CDH17: variants seen among roughly 807,000 people sequenced by gnomAD.
CDH17 encodes cadherin-17.
Under a neutral mutation model 86.3 loss-of-function variants are expected in CDH17, and 67 were observed. The observed-to-expected ratio is 0.78, with a 90% CI of 0.64 to 0.95. The LOEUF (loss-of-function observed/expected upper bound fraction) is 0.95, where lower values mean the gene tolerates loss of function less well. CDH17 is among the 40% of genes least tolerant of loss of function. The pLI is 0.00. For missense variants in CDH17, 993 were observed against 1,017.6 expected, an observed-to-expected ratio of 0.98 and a Z score of 0.33; for synonymous variants, 367 against 366.4, an observed-to-expected ratio of 1.00 and a Z score of -0.02.
intron 11 of CDH17, among the ~76,000 whole-genome samples, chr8:94,161,078 A>T (rs1437340392): frequency 6.6e-6 from 1 of 152,128 alleles, no homozygotes; most frequent in East Asian, 1.9e-4. Flanking sequence ...AAGCAGGTTC[A>T]CTCTCTGTAG....
intron 9 of CDH17, among the ~76,000 whole-genome samples, chr8:94,167,805 G>A (rs931289759): frequency 1.6e-4 from 25 of 151,994 alleles, no homozygotes; most frequent in Admixed American, 3.9e-4. Context: ...GACACCCCTC[G>A]CTGGGAGCAG....
chr8:94,168,478 A>G (rs1813209440), intron 9 of CDH17, among the ~76,000 whole-genome samples: 1 of 151,700 alleles, frequency 6.6e-6, no homozygotes, highest in Non-Finnish European at 1.5e-5. Flanking sequence ...ATTTGTGAAT[A>G]TTTCCACCTA....
At position 94,170,740 on chromosome 8, in the gene CDH17, G is replaced by A; in HGVS notation, c.915+114C>T. 6 of 1,381,180 alleles carry A rather than the reference G, an allele frequency of 4.3e-6. No homozygotes were observed. In the South Asian group the frequency reaches 7.1e-5, roughly 16 times the overall value. 85.6% of individuals were successfully genotyped at this position (1,381,180 alleles called of 1,614,324 possible). On this transcript the variant is annotated intron_variant, in intron 8 of 17. Coordinates refer to ENST00000027335, the MANE Select transcript of CDH17 (RefSeq NM_004063.4). ...TGTCTTTGAAAACCAATAATATGCT[G>A]GAGTCTGAAATGTGTGTTTTTTTTT...
chr8:94,179,099 A>G (rs1813428300), intron 3 of CDH17, among the ~76,000 whole-genome samples: 1 of 151,254 alleles, frequency 6.6e-6, no homozygotes. Flanking sequence ...CCCTAATCCC[A>G]TGGTCCTTTC....
rs769518455 is a variant in CDH17, at chr8:94,151,959, G to C, written c.1705C>G (p.His569Asp). The C allele has an allele frequency of 1.2e-6, 2 of 1,614,200 alleles. No homozygotes were observed. The highest frequency in any genetic ancestry group is 4.5e-5 in the East Asian group (2 of 44,870). The change falls in exon 13 of 18, where the codon CAC becomes GAC. Residue 569 changes from histidine to aspartate, a missense_variant. By Grantham distance (81) the His-to-Asp change is moderately conservative (BLOSUM62 -1). Transcript: ENST00000027335. ...DVNEAPQFSQ[H>D]VFQAKVSEDV... ...TCACTGACTTTCGCTTGGAATACGT[G>C]TTGGGAAAATTGAGGTGCTTCATTC...
chr8:94,149,016 A>C (rs1812807468), intron 13 of CDH17, 142 bp from the exon 14 acceptor site: 9 of 549,010 alleles, frequency 1.6e-5, no homozygotes, highest in Non-Finnish European at 2.7e-5. Flanking sequence ...TGAGATTATC[A>C]TTATCAGCAT....
At chr8:94,172,235 C>T (rs1813283349) in intron 7 of CDH17, among the ~76,000 whole-genome samples, 1 of 151,794 alleles carries the variant, frequency 6.6e-6, no homozygotes, top group African/African-American at 2.4e-5. Flanking sequence ...TAGTCTAGGC[C>T]CCCAATCAGA....
chr8:94,168,046 G>C (rs1813189313), intron 9 of CDH17, among the ~76,000 whole-genome samples: 1 of 103,626 alleles, frequency 9.7e-6, no homozygotes, highest in Non-Finnish European at 2.2e-5. Flanking sequence ...CTAAGACTTG[G>C]GGACACGAGT....
intron 1 of CDH17, among the ~76,000 whole-genome samples, chr8:94,198,509 G>A (rs1474819936): frequency 1.3e-5 from 2 of 152,126 alleles, no homozygotes; most frequent in Non-Finnish European, 2.9e-5. Flanking sequence ...AATGTACACG[G>A]TCAGCTATCA....
At position 94,152,067 on chromosome 8, in the gene CDH17, C is replaced by T. The variant is rs1414844511; in HGVS notation, c.1597G>A (p.Ala533Thr). ...AACACTAGAGGCTCAGGATTTTCTG[C>T]TTTGAACACAATGTTGGAAACAGCT... ...TAAVSNIVFK[A>T]ENPEPLVFGV... The change falls in exon 13 of 18, where the codon GCA becomes ACA. Residue 533 changes from alanine to threonine, a missense_variant. By Grantham distance (58) the Ala-to-Thr change is moderately conservative. Coordinates refer to ENST00000027335, the MANE Select transcript of CDH17 (RefSeq NM_004063.4). 5.6e-6 allele frequency: 9 copies of T among 1,614,036 alleles called. No individual in the cohort carries two copies. In the Admixed American group the frequency reaches 6.7e-5, roughly 12 times the overall value.
Position 94,146,007 on chromosome 8 carries a change from G to C in CDH17, c.2088C>G (p.His696Gln). The C allele has an allele frequency of 6.2e-7, 1 of 1,613,872 alleles. No individual in the cohort carries two copies. The highest frequency in any genetic ancestry group is 1.3e-5 in the African/African-American group (1 of 75,016). Residue 696 changes from histidine to glutamine, a missense_variant, in exon 15 of 18, where the codon CAC becomes CAG. Physicochemically the swap from His to Gln is conservative, Grantham distance 24 (BLOSUM62 0). Coordinates refer to ENST00000027335, the MANE Select transcript of CDH17 (RefSeq NM_004063.4). ...ATGTAAAATGGGGACCCCGAAATAA[G>C]TGCTGATCATCATCAGTAGCCTCGA... is the stretch of plus-strand genomic sequence containing the variant. ...LIFEATDDDQ[H>Q]LFRGPHFTFS... is the part of the protein sequence containing the mutation.
In CDH17 at chr8:94,199,072, TATATATATATA is replaced by T. The variant is rs1169448928; in HGVS notation, c.-20-4378_-20-4368del. The stretch of plus-strand genomic sequence containing the variant: ...ATATATATATATATATATATATATA[TATATATATATA>T]TTTTTTTTTTTTTATCATTTGTCTG... On this transcript the variant is annotated intron_variant, in intron 1 of 17. Coordinates refer to ENST00000027335, the MANE Select transcript of CDH17 (RefSeq NM_004063.4). Among the ~76,000 whole-genome samples, 47 of 18,546 alleles carry T rather than the reference TATATATATATA, an allele frequency of 2.5e-3. 2 individuals carry two copies. Among genetic ancestry groups the T allele is most frequent in the South Asian group, 4.4e-3 (3 of 680 alleles). 12.2% of individuals were successfully genotyped at this position (18,546 alleles called of 152,430 possible).
Position 94,130,618 on chromosome 8 carries a change from A to T in CDH17, c.2398+8T>A. On this transcript the variant is annotated splice_region_variant and intron_variant, in intron 17 of 17. Coordinates refer to ENST00000027335, the MANE Select transcript of CDH17 (RefSeq NM_004063.4). ...ATAAGACTCTTTGAATTAAGAAATT[A>T]CACTCACCAATCACCAGAAGGGTGG... is the stretch of plus-strand genomic sequence containing the variant. The T allele has an allele frequency of 6.4e-7, 1 of 1,567,006 alleles. No individual in the cohort carries two copies. Among genetic ancestry groups the T allele is most frequent in the African/African-American group, 1.3e-5 (1 of 74,198 alleles).
chr8:94,188,931 A>G (rs1813631637), intron 3 of CDH17, among the ~76,000 whole-genome samples: 10 of 152,166 alleles, frequency 6.6e-5, no homozygotes, highest in Admixed American at 6.5e-4. Flanking sequence ...CAGAGCCTGC[A>G]GCCACCAAGC....
In CDH17 at chr8:94,131,575, A is replaced by G. The variant is rs139502359; in HGVS notation, c.2168-583T>C. Reference sequence around the variant, plus strand: ...AAACCACAATTTTTCCCTGTAAGGCACACATCACAGCCTTCCTGTGCTTAG... The same window carrying G: ...AAACCACAATTTTTCCCTGTAAGGCGCACATCACAGCCTTCCTGTGCTTAG... On this transcript the variant is annotated intron_variant, in intron 15 of 17. Coordinates refer to ENST00000027335, the MANE Select transcript of CDH17 (RefSeq NM_004063.4). Among the ~76,000 whole-genome samples, 219 of 152,256 alleles carry G rather than the reference A, an allele frequency of 1.4e-3. 1 individual carries two copies. Among genetic ancestry groups the G allele is most frequent in the African/African-American group, 5.0e-3 (208 of 41,542 alleles).
chr8:94,208,295 C>CA (rs1039375051), intron 1 of CDH17, among the ~76,000 whole-genome samples, 188 bp downstream of exon 1: 2 of 151,520 alleles, frequency 1.3e-5, no homozygotes, highest in East Asian at 1.9e-4. Context: ...AAAGAAACTA[C>CA]AAAAAAAAAT....
intron 9 of CDH17, among the ~76,000 whole-genome samples, chr8:94,169,015 C>G (rs1250698870): frequency 6.6e-6 from 1 of 152,132 alleles, no homozygotes; most frequent in African/African-American, 2.4e-5. Flanking sequence ...GAAACTGTGA[C>G]ATGATACATG....
At chr8:94,176,320 A>G (rs1698638564) in intron 5 of CDH17, among the ~76,000 whole-genome samples, 1 of 152,190 alleles carries the variant, frequency 6.6e-6, no homozygotes. Flanking sequence ...GCCTCTGACC[A>G]AAAAAAGAAT....
At chr8:94,185,568 T>C (rs963452414) in intron 3 of CDH17, among the ~76,000 whole-genome samples, 1 of 152,228 alleles carries the variant, frequency 6.6e-6, no homozygotes, top group African/African-American at 2.4e-5. Context: ...ACAATCCTGA[T>C]TGTCTTCAAT....
Sources: gnomAD v4.1 joint callset for allele counts (sites outside exome capture counted in the v4.1 genomes callset) on GRCh38, gnomAD v4.1.1 for gene constraint, MANE v1.5 for transcripts, NCBI Gene and HGNC (gene_info 2026-07-23, HGNC 2026-07-21) for gene names.